The following NDUFS2 variants were observed in gnomAD, a reference collection of about 807,000 sequenced individuals.
NDUFS2 encodes the protein NADH:ubiquinone oxidoreductase core subunit S2, also known as NADH dehydrogenase [ubiquinone] iron-sulfur protein 2, mitochondrial.
NDUFS2 carries 38 observed loss-of-function variants against 69.6 expected under a neutral mutation model. The observed-to-expected ratio is 0.55, with a 90% confidence interval of 0.42 to 0.72. NDUFS2 has a LOEUF of 0.72. Ranked by LOEUF, NDUFS2 falls within the 30% of genes least tolerant of loss-of-function variation. The pLI, the probability that NDUFS2 is intolerant of heterozygous loss-of-function variation, is 0.00. For synonymous variants in NDUFS2, 194 were observed against 211.2 expected, an observed-to-expected ratio of 0.92 and a Z score of 0.70; for missense variants, 468 against 595.0, an observed-to-expected ratio of 0.79 and a Z score of 2.22.
At chr1:161,210,038 G>A in intron 6 of NDUFS2, 73 bp from the exon 7 acceptor site, 2 of 1,589,810 alleles carry the variant, frequency 1.3e-6, no homozygotes, top group Non-Finnish European at 1.7e-6. Flanking sequence ...TATCGCTGGG[G>A]GAGGGGGTGC....
At chr1:161,213,790 G>GT in intron 12 of NDUFS2, 58 bp downstream of exon 12, 1 of 1,612,732 alleles carries the variant, frequency 6.2e-7, no homozygotes, top group Non-Finnish European at 8.5e-7. Flanking sequence ...CTTGGTTGAG[G>GT]TTTTTATGAA....
At chr1:161,210,852 C>A (rs899146696) in intron 9 of NDUFS2, 142 bp downstream of exon 9, 1 of 1,259,316 alleles carries the variant, frequency 7.9e-7, no homozygotes, top group Non-Finnish European at 1.1e-6. Flanking sequence ...TCTCAAAACA[C>A]TTTCACATAT....
intron 3 of NDUFS2, among the ~76,000 whole-genome samples, chr1:161,207,344 G>A (rs1665522653): frequency 1.3e-5 from 2 of 152,192 alleles, no homozygotes; most frequent in South Asian, 2.1e-4. Context: ...GGCTGTCCCA[G>A]CTAGTAGCGT....
Position 161,203,527 on chromosome 1 carries a change from G to T in NDUFS2, c.186G>T (p.Lys62Asn), listed in dbSNP as rs756914296. 14 of 1,613,636 alleles carry T rather than the reference G, an allele frequency of 8.7e-6. No homozygotes were observed. Among genetic ancestry groups the T allele is most frequent in the Middle Eastern group, 3.4e-4 (2 of 5,798 alleles). ...CAAGCAAAGAAACAGCCCACTGGAAGCCTCCACCTTGGAATGGTGAGTGAC... is the reference window on the plus strand; with the variant it reads ...CAAGCAAAGAAACAGCCCACTGGAATCCTCCACCTTGGAATGGTGAGTGAC... ...MYPSKETAHWKPPPWNDVDPP... is the reference protein window; with the variant it reads ...MYPSKETAHWNPPPWNDVDPP... Residue 62 changes from lysine (K) to asparagine (N), a missense_variant, in exon 2 of 14, where the codon AAG (lysine) becomes AAT (asparagine). This residue lies in a region of NDUFS2 where 339 missense variants were observed against 433.8 expected (regional missense o/e 0.78). Coordinates refer to ENST00000676972, the MANE Select transcript of NDUFS2 (RefSeq NM_001377299.1).
At position 161,214,259 on chromosome 1, in the gene NDUFS2, A is replaced by G; in HGVS notation, c.*66A>G. On this transcript the variant is annotated 3_prime_UTR_variant, in exon 14 of 14. Transcript: ENST00000676972. ...TTCTGTGGAGCCTGTTCCTCACTGG[A>G]AATTGGCCTCTGTGTGTGTGTGTGT... 1 of 1,410,584 alleles carries G rather than the reference A, an allele frequency of 7.1e-7. No homozygotes were observed. Among genetic ancestry groups the G allele is most frequent in the Non-Finnish European group, 9.9e-7 (1 of 1,007,762 alleles). The allele number at this position is 1,410,584 out of a possible 1,614,324, so 87.4% of individuals were successfully genotyped here. A position where few individuals can be genotyped will look rare whatever the true frequency, so the allele number is the denominator to read the frequency against.
At chr1:161,210,421 TG>T in intron 8 of NDUFS2, 32 bp downstream of exon 8, 2 of 1,605,032 alleles carry the variant, frequency 1.2e-6, no homozygotes, top group Non-Finnish European at 1.7e-6. Context: ...TCCGTAGGAG[TG>T]GGGGTGGGAG....
chr1:161,202,436 G>T lies in NDUFS2; in HGVS notation c.51G>T (p.Val17=), dbSNP rs1437767308. The change falls in exon 1 of 14, where the codon GTG becomes GTT. Residue 17 remains valine, a synonymous_variant. Transcript: ENST00000676972. ...LCGFRGVAAQ[V]LRPGAGVRLP... is the part of the protein sequence containing the mutation. ...GCTTCCGGGGCGTCGCGGCCCAGGT[G>T]CTGCGGCCTGGGGCTGGAGTCCGAT... is the stretch of plus-strand genomic sequence containing the variant. The T allele has an allele frequency of 1.2e-6, 2 of 1,612,856 alleles. No homozygotes were observed. Among genetic ancestry groups the T allele is most frequent in the Non-Finnish European group, 1.7e-6 (2 of 1,179,746 alleles).
upstream of NDUFS2, among the ~76,000 whole-genome samples, chr1:161,201,678 T>G (rs1352333165): frequency 5.3e-5 from 8 of 152,228 alleles, no homozygotes; most frequent in East Asian, 1.5e-3. Flanking sequence ...TTCTGTAGGT[T>G]CGGGAAGCCT....
At chr1:161,212,773 G>C in intron 10 of NDUFS2, 1 of 352,388 alleles carries the variant, frequency 2.8e-6, no homozygotes, top group South Asian at 2.3e-5. Context: ...TGGTCAGGGT[G>C]GTCTCGAACT....
chr1:161,201,349 G>T (rs889037749), upstream of NDUFS2, among the ~76,000 whole-genome samples: 1 of 152,214 alleles, frequency 6.6e-6, no homozygotes, highest in Non-Finnish European at 1.5e-5. Flanking sequence ...CTGTGTCCCT[G>T]GGATCCTGTC....
intron 10 of NDUFS2, chr1:161,213,097 G>A (rs921756984): frequency 5.4e-6 from 2 of 371,786 alleles, no homozygotes; most frequent in African/African-American, 4.2e-5. Flanking sequence ...TAGAGACGGG[G>A]TTTCACTCTG....
At chr1:161,204,747 G>T (rs1558082690) in intron 2 of NDUFS2, among the ~76,000 whole-genome samples, 2 of 152,172 alleles carry the variant, frequency 1.3e-5, no homozygotes, top group Non-Finnish European at 2.9e-5. Flanking sequence ...CCAGTTGTGA[G>T]GAAATTATGG....
chr1:161,212,614 C>G (rs1665833848), intron 10 of NDUFS2, 134 bp downstream of exon 10: 3 of 1,207,566 alleles, frequency 2.5e-6, no homozygotes, highest in Admixed American at 2.2e-5. Flanking sequence ...ATTGCCCAGA[C>G]TGGAGTGCAA....
Position 161,203,477 on chromosome 1 carries a change from C to T in NDUFS2, c.136C>T (p.Gln46Ter). The change falls in exon 2 of 14, where the codon CAG (glutamine) becomes TAG (stop). Residue 46 changes from glutamine to a stop codon, truncating the protein, a stop_gained. Transcript: ENST00000676972. LOFTEE classifies it high-confidence loss of function. ...GCAGCCAGATGTGGAATGGGCACAG[C>T]AGTTTGGGGGAGCTGTTATGTACCC... Reference protein sequence around the residue: ...QWQPDVEWAQQFGGAVMYPSK... With the variant: ...QWQPDVEWAQ 1 of 1,614,116 alleles carries T rather than the reference C, an allele frequency of 6.2e-7. No homozygotes were observed. The highest frequency in any genetic ancestry group is 1.1e-5 in the South Asian group (1 of 91,066).
At position 161,213,676 on chromosome 1, in the gene NDUFS2, G is replaced by A. The variant is rs751265048; in HGVS notation, c.1240G>A (p.Asp414Asn). The stretch of plus-strand genomic sequence containing the variant: ...AGAGTTTGGGGTGTACCTGGTGTCT[G>A]ATGGCAGCAGCCGCCCTTATCGATG... ...KGEFGVYLVS[D>N]GSSRPYRCKI... Residue 414 changes from aspartate to asparagine, a missense_variant, in exon 12 of 14, where the codon GAT (aspartate) becomes AAT (asparagine). By Grantham distance (23) the Asp-to-Asn change is conservative. Coordinates refer to ENST00000676972, the MANE Select transcript of NDUFS2 (RefSeq NM_001377299.1). The A allele has an allele frequency of 3.2e-5, 52 of 1,614,232 alleles. No individual in the cohort carries two copies. Among genetic ancestry groups the A allele is most frequent in the Non-Finnish European group, 4.4e-5 (52 of 1,180,042 alleles).
rs1665485560 is a variant in NDUFS2, at chr1:161,206,660, C to G, written c.393+63C>G. 8.4e-6 allele frequency: 13 copies of G among 1,554,198 alleles called. No homozygotes were observed. In the East Asian group the frequency reaches 3.0e-4, roughly 36 times the overall value. On this transcript the variant is annotated intron_variant, in intron 3 of 13. Transcript: ENST00000676972. Reference sequence around the variant, plus strand: ...GGGTTGCTTTAGCCTGGGGCTTTGCCAGTTTGCTGCCCTTAAAACGTGAGG... The same window carrying G: ...GGGTTGCTTTAGCCTGGGGCTTTGCGAGTTTGCTGCCCTTAAAACGTGAGG...
intron 12 of NDUFS2, 21 bp from the exon 13 acceptor site, chr1:161,213,843 T>G: frequency 6.2e-7 from 1 of 1,613,998 alleles, no homozygotes; most frequent in African/African-American, 1.3e-5. Context: ...ACTAACATTG[T>G]TGCCATCTCA....
chr1:161,213,727 C>T lies in NDUFS2; in HGVS notation c.1291C>T (p.His431Tyr), dbSNP rs1415417587. 6 of 1,614,182 alleles carry T rather than the reference C, an allele frequency of 3.7e-6. No homozygotes were observed. In the South Asian group the frequency reaches 6.6e-5, roughly 18 times the overall value. ...RCKIKAPGFA[H>Y]LAGLDKMSKG... is the part of the protein sequence containing the mutation. ...CAAGATCAAGGCTCCTGGTTTTGCCCATCTGGTAAGAATCAATCCCAGTAA... is the reference window on the plus strand; with the variant it reads ...CAAGATCAAGGCTCCTGGTTTTGCCTATCTGGTAAGAATCAATCCCAGTAA... Residue 431 changes from histidine (H) to tyrosine (Y), a missense_variant, in exon 12 of 14, where the codon CAT becomes TAT. Physicochemically the swap from His to Tyr is moderately conservative, Grantham distance 83. Coordinates refer to ENST00000676972, the MANE Select transcript of NDUFS2 (RefSeq NM_001377299.1).
chr1:161,204,398 G>A (rs569241691), intron 2 of NDUFS2, among the ~76,000 whole-genome samples: 1 of 152,220 alleles, frequency 6.6e-6, no homozygotes, highest in East Asian at 1.9e-4. Flanking sequence ...CTTTCGTAAT[G>A]TCTCATATCT....
Sources: allele counts gnomAD v4.1 joint callset (sites outside exome capture counted in the v4.1 genomes callset), GRCh38; gene constraint gnomAD v4.1.1; regional missense constraint gnomAD v4.1.1; transcripts MANE v1.5; gene names NCBI Gene and HGNC (gene_info 2026-07-23, HGNC 2026-07-21).